GRIP1: variants seen among roughly 807,000 people sequenced by gnomAD.
GRIP1 encodes the protein glutamate receptor interacting protein 1, also known as glutamate receptor-interacting protein 1.
In GRIP1, 45 loss-of-function variants were observed where a neutral mutation model predicts 129.9. The observed-to-expected ratio is 0.35, with a 90% CI of 0.27 to 0.44. The LOEUF (loss-of-function observed/expected upper bound fraction) is 0.44, where lower values mean the gene tolerates loss of function less well. Ranked by LOEUF, GRIP1 falls within the 20% of genes least tolerant of loss-of-function variation. GRIP1 has a pLI of 1.00. For synonymous variants in GRIP1, 530 were observed against 520.8 expected, an observed-to-expected ratio of 1.02 and a Z score of -0.24; for missense variants, 1,196 against 1,396.8, an observed-to-expected ratio of 0.86 and a Z score of 2.29.
upstream of GRIP1, among the ~76,000 whole-genome samples, chr12:66,809,013 T>C (rs1297619083): frequency 1.3e-5 from 2 of 152,242 alleles, no homozygotes; most frequent in African/African-American, 2.4e-5. Context: ...AACTATAATA[T>C]TAAATTTATT....
intron 7 of GRIP1, among the ~76,000 whole-genome samples, chr12:66,487,951 T>G (rs538241332): frequency 6.6e-6 from 1 of 152,232 alleles, no homozygotes; most frequent in African/African-American, 2.4e-5. Flanking sequence ...TATACGCACC[T>G]AATACAAGAG....
intron 16 of GRIP1, among the ~76,000 whole-genome samples, chr12:66,402,472 G>A (rs990927644): frequency 6.6e-6 from 1 of 152,178 alleles, no homozygotes; most frequent in African/African-American, 2.4e-5. Flanking sequence ...TACACAGCAG[G>A]GTAGCGAGAC....
chr12:66,698,373 T>A (rs2035236792), intron 1 of GRIP1, among the ~76,000 whole-genome samples: 1 of 152,200 alleles, frequency 6.6e-6, no homozygotes, highest in Non-Finnish European at 1.5e-5. Flanking sequence ...CTTGTGTTTT[T>A]AAAAAATATT....
intron 1 of GRIP1, among the ~76,000 whole-genome samples, chr12:66,736,503 G>A (rs553843640): frequency 2.0e-5 from 3 of 151,526 alleles, no homozygotes; most frequent in African/African-American, 7.3e-5. Context: ...AAAATCATAA[G>A]GAAGAGAAAA....
At chr12:66,525,855 A>T (rs1311564297) in intron 5 of GRIP1, among the ~76,000 whole-genome samples, 1 of 151,896 alleles carries the variant, frequency 6.6e-6, no homozygotes, top group Non-Finnish European at 1.5e-5. Flanking sequence ...AAATCAATGT[A>T]CAAAAATCAC....
At chr12:67,026,186 A>T (rs1235145651) in intron 1 of GRIP1, among the ~76,000 whole-genome samples, 1 of 151,902 alleles carries the variant, frequency 6.6e-6, no homozygotes, top group Non-Finnish European at 1.5e-5. Flanking sequence ...CTCTTTGTTT[A>T]AAAAAAAGCA....
At chr12:66,407,810 G>A (rs1466734432) in intron 15 of GRIP1, among the ~76,000 whole-genome samples, 2 of 152,152 alleles carry the variant, frequency 1.3e-5, no homozygotes, top group African/African-American at 4.8e-5. Flanking sequence ...ATGCTGTGCT[G>A]AGCTCAGAGC....
At chr12:66,631,300 G>T (rs2030751225) in intron 1 of GRIP1, among the ~76,000 whole-genome samples, 1 of 152,042 alleles carries the variant, frequency 6.6e-6, no homozygotes, top group African/African-American at 2.4e-5. Flanking sequence ...TCTTGGGCAT[G>T]GGCTTGATTG....
At chr12:66,544,117 T>C (rs915194041) in intron 2 of GRIP1, among the ~76,000 whole-genome samples, 1 of 152,214 alleles carries the variant, frequency 6.6e-6, no homozygotes, top group Non-Finnish European at 1.5e-5. Flanking sequence ...AAAGCTCAAT[T>C]ATTTTAGTTT....
chr12:66,584,214 C>T (rs1388040637), intron 2 of GRIP1, among the ~76,000 whole-genome samples: 1 of 146,964 alleles, frequency 6.8e-6, no homozygotes, highest in Non-Finnish European at 1.5e-5. Context: ...ACAATGAGAT[C>T]ACATGGACAC....
intron 1 of GRIP1, among the ~76,000 whole-genome samples, chr12:66,998,349 T>C (rs1241095518): frequency 1.3e-5 from 2 of 152,146 alleles, no homozygotes; most frequent in African/African-American, 4.8e-5. Context: ...AATTTCTGTT[T>C]GAAGGTTAGA....
intron 1 of GRIP1, among the ~76,000 whole-genome samples, chr12:66,702,609 A>T (rs1314782106): frequency 1.3e-5 from 2 of 152,208 alleles, no homozygotes; most frequent in African/African-American, 4.8e-5. Context: ...TGGCCACAGA[A>T]GCAGTGTAAT....
chr12:66,810,808 C>G (rs1382785487), intron 1 of GRIP1, among the ~76,000 whole-genome samples: 1 of 152,092 alleles, frequency 6.6e-6, no homozygotes, highest in East Asian at 1.9e-4. Context: ...TTGATTCTGT[C>G]CAATTTCTAC....
At chr12:66,461,543 G>C (rs1723138904) in intron 9 of GRIP1, among the ~76,000 whole-genome samples, 1 of 152,182 alleles carries the variant, frequency 6.6e-6, no homozygotes, top group Non-Finnish European at 1.5e-5. Flanking sequence ...CCAATACTGT[G>C]ATGCTGATTT....
intron 1 of GRIP1, among the ~76,000 whole-genome samples, chr12:66,747,841 G>A (rs1268751106): frequency 6.6e-6 from 1 of 151,950 alleles, no homozygotes; most frequent in African/African-American, 2.4e-5. Context: ...ACTCCAAAGG[G>A]AATAAAAGAT....
In GRIP1 at chr12:66,347,946, A is replaced by G. The variant is rs2054050643; in HGVS notation, c.*1073T>C. 1 of 152,218 alleles carries G rather than the reference A, an allele frequency of 6.6e-6. No individual in the cohort carries two copies. The highest frequency in any genetic ancestry group is 1.5e-5 in the Non-Finnish European group (1 of 68,046). 9.4% of individuals were successfully genotyped at this position (152,218 alleles called of 1,614,324 possible). A position where few individuals can be genotyped will look rare whatever the true frequency, so the allele number is the denominator to read the frequency against. On this transcript the variant is annotated 3_prime_UTR_variant, in exon 25 of 25. Coordinates refer to ENST00000359742, the MANE Select transcript of GRIP1 (RefSeq NM_001366722.1). Reference sequence around the variant, plus strand: ...AATAATAACAGTTATTAGTGTAGCTATTCAAAATATCTGAACAAATGAAAA... The same window carrying G: ...AATAATAACAGTTATTAGTGTAGCTGTTCAAAATATCTGAACAAATGAAAA...
chr12:66,979,686 C>T (rs947414227), intron 1 of GRIP1, among the ~76,000 whole-genome samples: 2 of 152,140 alleles, frequency 1.3e-5, no homozygotes, highest in Admixed American at 1.3e-4. Context: ...CAGATGTAAT[C>T]AAGTTAAGAT....
At chr12:66,556,051 T>C (rs2062319840) in intron 2 of GRIP1, among the ~76,000 whole-genome samples, 1 of 152,006 alleles carries the variant, frequency 6.6e-6, no homozygotes, top group South Asian at 2.1e-4. Flanking sequence ...TAGAGAAATA[T>C]ATCAATATTT....
chr12:66,443,287 C>G (rs1237443362), intron 13 of GRIP1, among the ~76,000 whole-genome samples: 1 of 152,190 alleles, frequency 6.6e-6, no homozygotes, highest in Non-Finnish European at 1.5e-5. Flanking sequence ...CTTTGCCCCC[C>G]ACCTTTGATA....
Sources: gnomAD v4.1 joint callset for allele counts (sites outside exome capture counted in the v4.1 genomes callset) on GRCh38, gnomAD v4.1.1 for gene constraint, MANE v1.5 for transcripts, NCBI Gene and HGNC (gene_info 2026-07-23, HGNC 2026-07-21) for gene names.